The following ZBTB20 variants were observed in gnomAD, a reference collection of about 807,000 sequenced individuals.
ZBTB20 encodes the protein zinc finger and BTB domain containing 20.
In ZBTB20, 9 loss-of-function variants were observed where a neutral mutation model predicts 56.9. The observed-to-expected ratio is 0.16, with a 90% confidence interval of 0.10 to 0.28. The LOEUF (loss-of-function observed/expected upper bound fraction) is 0.28, where lower values mean the gene tolerates loss of function less well. Among genes scored for constraint, ZBTB20 ranks in the 10% least tolerant of loss-of-function variants. ZBTB20 has a pLI of 1.00. For synonymous variants in ZBTB20, 417 were observed against 420.7 expected (o/e 0.99, Z 0.11); for missense variants, 655 against 1,003.0 (o/e 0.65, Z 4.69).
chr3:115,014,605 G>A (rs766063994), intron 2 of ZBTB20, among the ~76,000 whole-genome samples: 1 of 151,300 alleles, frequency 6.6e-6, no homozygotes, highest in Non-Finnish European at 1.5e-5. Flanking sequence ...TTTTTATTGA[G>A]TTTTTTTCTG....
At chr3:114,486,654 A>G (rs2042182827) in intron 7 of ZBTB20, among the ~76,000 whole-genome samples, 1 of 152,206 alleles carries the variant, frequency 6.6e-6, no homozygotes, top group Non-Finnish European at 1.5e-5. Context: ...GCTGAAGGCT[A>G]CTATTAAAAG....
At chr3:114,882,809 A>G (rs1379139699) in intron 4 of ZBTB20, among the ~76,000 whole-genome samples, 1 of 152,144 alleles carries the variant, frequency 6.6e-6, no homozygotes, top group Non-Finnish European at 1.5e-5. Context: ...TAGTGCTATC[A>G]GTCGGTAAAG....
At chr3:115,098,119 C>T (rs183029639) in intron 1 of ZBTB20, among the ~76,000 whole-genome samples, 141 of 151,212 alleles carry the variant, frequency 9.3e-4, no homozygotes, top group Middle Eastern at 3.4e-3. Context: ...AACATAAACA[C>T]ACATAAAGTG....
chr3:114,938,073 G>A lies in ZBTB20; in HGVS notation c.-456+36293C>T, dbSNP rs1409042431. The stretch of plus-strand genomic sequence containing the variant: ...GCGGAGCTTGCAGTGAGCCGAGAAC[G>A]TGCCACTACACTCCAGCCTGGGCAA... On this transcript the variant is annotated intron_variant, in intron 3 of 11. Coordinates refer to ENST00000675478, the MANE Select transcript of ZBTB20 (RefSeq NM_001348800.3). 4.0e-5 allele frequency among the ~76,000 whole-genome samples: 6 copies of A among 151,870 alleles called. No individual in the cohort carries two copies. In the East Asian group the frequency reaches 7.8e-4, roughly 20 times the overall value.
At chr3:114,461,283 CA>C (rs1258353030) in intron 7 of ZBTB20, among the ~76,000 whole-genome samples, 1 of 150,310 alleles carries the variant, frequency 6.7e-6, no homozygotes, top group African/African-American at 2.4e-5. Flanking sequence ...AAAAAACAAA[CA>C]AAACAATCTC....
chr3:114,742,506 G>T (rs964565894), intron 5 of ZBTB20, among the ~76,000 whole-genome samples: 4 of 152,118 alleles, frequency 2.6e-5, no homozygotes, highest in African/African-American at 7.2e-5. Flanking sequence ...AGCCAGGTAC[G>T]ATGTCAAACA....
chr3:114,867,290 T>C (rs1048498575), intron 4 of ZBTB20, among the ~76,000 whole-genome samples: 1 of 152,192 alleles, frequency 6.6e-6, no homozygotes, highest in African/African-American at 2.4e-5. Context: ...GCCACTTTCA[T>C]CTTCCACTAC....
intron 6 of ZBTB20, among the ~76,000 whole-genome samples, chr3:114,532,865 C>T (rs565959951): frequency 6.6e-6 from 1 of 152,258 alleles, no homozygotes; most frequent in East Asian, 1.9e-4. Flanking sequence ...GAGTGGATGT[C>T]CAGCAAACTC....
chr3:114,396,535 T>C (rs1298480350), intron 7 of ZBTB20, among the ~76,000 whole-genome samples: 2 of 152,162 alleles, frequency 1.3e-5, no homozygotes, highest in African/African-American at 4.8e-5. Context: ...GAGGTGAAAC[T>C]GATACTCAGG....
At chr3:115,029,976 G>GA (rs1158350539) in intron 2 of ZBTB20, among the ~76,000 whole-genome samples, 1 of 150,814 alleles carries the variant, frequency 6.6e-6, no homozygotes, top group African/African-American at 2.4e-5. Flanking sequence ...AATAAATTTA[G>GA]AAAAAACTAT....
At chr3:114,365,013 G>A (rs2082259160) in intron 10 of ZBTB20, among the ~76,000 whole-genome samples, 1 of 152,102 alleles carries the variant, frequency 6.6e-6, no homozygotes, top group East Asian at 1.9e-4. Context: ...CTGGTGTTTT[G>A]TTCTTGAAGT....
intron 3 of ZBTB20, among the ~76,000 whole-genome samples, chr3:114,935,653 G>A (rs1049593887): frequency 2.0e-5 from 3 of 152,128 alleles, no homozygotes; most frequent in Admixed American, 6.5e-5. Flanking sequence ...GGATACCTGG[G>A]ACATAATTCA....
At chr3:114,442,279 A>C (rs1463648576) in intron 7 of ZBTB20, among the ~76,000 whole-genome samples, 3 of 152,160 alleles carry the variant, frequency 2.0e-5, no homozygotes, top group Non-Finnish European at 4.4e-5. Context: ...GCTAATGATA[A>C]AAAGAAAATG....
At chr3:114,511,579 T>G (rs1238033102) in intron 6 of ZBTB20, among the ~76,000 whole-genome samples, 2 of 152,110 alleles carry the variant, frequency 1.3e-5, no homozygotes, top group African/African-American at 4.8e-5. Context: ...GCAAAGTGAT[T>G]TATGCATACA....
chr3:115,012,304 GA>G (rs2079753862), intron 2 of ZBTB20, among the ~76,000 whole-genome samples: 1 of 151,664 alleles, frequency 6.6e-6, no homozygotes, highest in Non-Finnish European at 1.5e-5. Flanking sequence ...AAGATCCAAT[GA>G]TCTGTTGCCT....
chr3:114,475,881 G>A (rs907180016), intron 7 of ZBTB20, among the ~76,000 whole-genome samples: 15 of 152,060 alleles, frequency 9.9e-5, no homozygotes, highest in Admixed American at 4.6e-4. Flanking sequence ...TTGAATTATG[G>A]TAAGTATATT....
intron 6 of ZBTB20, chr3:114,529,478 T>C (rs2047596543): frequency 6.6e-6 from 1 of 152,178 alleles, no homozygotes; most frequent in South Asian, 2.1e-4. Context: ...TCCGAGACAT[T>C]ATGTCTCTTT....
rs532012100 is a variant in ZBTB20, at chr3:115,113,841, T to G, written c.-703+33378A>C. ...CTTTCCCTTGCTTTCTGAAGGAATT[T>G]GTTACTAAATAATATTGCCACCTTC... On this transcript the variant is annotated intron_variant, in intron 1 of 11. Transcript: ENST00000675478. 1.3e-4 allele frequency among the ~76,000 whole-genome samples: 20 copies of G among 152,116 alleles called. 1 individual carries two copies. In the South Asian group the frequency reaches 4.1e-3, roughly 32 times the overall value.
intron 2 of ZBTB20, among the ~76,000 whole-genome samples, chr3:115,024,688 T>C (rs990073941): frequency 2.0e-5 from 3 of 151,070 alleles, no homozygotes. Context: ...TCAAGAACTG[T>C]ACAGTAGGCC....
Sources: allele counts gnomAD v4.1 joint callset (sites outside exome capture counted in the v4.1 genomes callset), GRCh38; gene constraint gnomAD v4.1.1; transcripts MANE v1.5; gene names NCBI Gene and HGNC (gene_info 2026-07-23, HGNC 2026-07-21).